The following COPE variants were observed in gnomAD, a reference collection of about 807,000 sequenced individuals.
The protein encoded by COPE is coatomer subunit epsilon.
In COPE, 19 loss-of-function variants were observed where a neutral mutation model predicts 42.1. The ratio of observed to expected loss-of-function variants is 0.45; its 90% CI spans 0.31 to 0.66. The LOEUF is 0.66. COPE is among the 30% of genes least tolerant of loss of function. The pLI, the probability that COPE is intolerant of heterozygous loss-of-function variation, is 0.05. For missense variants in COPE, 402 were observed against 416.1 expected (o/e 0.97, Z 0.30); for synonymous variants, 195 against 181.3 (o/e 1.08, Z -0.60).
At chr19:18,917,676 T>G (rs2145088228) in intron 1 of COPE, among the ~76,000 whole-genome samples, 1 of 152,140 alleles carries the variant, frequency 6.6e-6, no homozygotes, top group African/African-American at 2.4e-5. Context: ...AAATCACTTC[T>G]AACTACAAGC....
At chr19:18,907,488 C>A (rs994271513) in intron 3 of COPE, among the ~76,000 whole-genome samples, 2 of 152,186 alleles carry the variant, frequency 1.3e-5, no homozygotes, top group African/African-American at 4.8e-5. Flanking sequence ...AGCAGGAGGT[C>A]GGCCTGGGTG....
At chr19:18,901,840 C>T (rs940219363) in intron 7 of COPE, among the ~76,000 whole-genome samples, 5 of 152,084 alleles carry the variant, frequency 3.3e-5, no homozygotes, top group Non-Finnish European at 7.4e-5. Context: ...CCCCAAAATT[C>T]GTTTCTCCAA....
Position 18,911,043 on chromosome 19 carries a change from A to C in COPE, c.218T>G (p.Ile73Ser). ...QRKFGVVLDE[I>S]KPSSAPELQA... ...GAGCTCAGGGGCCGAGGAGGGCTTG[A>C]TCTCATCCAGGACCACACCGAACTT... Residue 73 changes from isoleucine (I) to serine (S), a missense_variant, in exon 3 of 10, where the codon ATC becomes AGC. Coordinates refer to ENST00000262812, the MANE Select transcript of COPE (RefSeq NM_007263.4). 1 of 1,613,926 alleles carries C rather than the reference A, an allele frequency of 6.2e-7. No individual in the cohort carries two copies. Among genetic ancestry groups the C allele is most frequent in the Non-Finnish European group, 8.5e-7 (1 of 1,179,994 alleles).
In COPE at chr19:18,903,294, C is replaced by T; in HGVS notation, c.709G>A (p.Gly237Ser). ...MAQGRWEAAE[G>S]LLQEALDKDS... is the part of the protein sequence containing the mutation. Reference sequence around the variant, plus strand: ...TTGTCTAGCGCCTCCTGCAGCAGGCCCTCAGCGGCCTCCCAGCGGCCCTGG... The same window carrying T: ...TTGTCTAGCGCCTCCTGCAGCAGGCTCTCAGCGGCCTCCCAGCGGCCCTGG... The change falls in exon 7 of 10, where the codon GGC (glycine) becomes AGC (serine). Residue 237 changes from glycine to serine, a missense_variant. By Grantham distance (56) the Gly-to-Ser change is moderately conservative. Transcript: ENST00000262812. 1.2e-6 allele frequency: 2 copies of T among 1,605,734 alleles called. No homozygotes were observed. The highest frequency in any genetic ancestry group is 1.7e-6 in the Non-Finnish European group (2 of 1,176,238).
In COPE at chr19:18,911,392, C is replaced by G. The variant is rs754701586; in HGVS notation, c.190-321G>C. ...GTGTCACCTGGGGGCAGGGCAGCAG[C>G]AGTTATGGGGGTTGTGACATGCGCT... On this transcript the variant is annotated intron_variant, in intron 2 of 9. Coordinates refer to ENST00000262812, the MANE Select transcript of COPE (RefSeq NM_007263.4). 1.1e-5 allele frequency: 4 copies of G among 360,618 alleles called. No homozygotes were observed. The South Asian group carries it at 1.3e-4, about 12-fold the overall frequency. 22.3% of individuals were successfully genotyped at this position (360,618 alleles called of 1,614,324 possible).
intron 7 of COPE, among the ~76,000 whole-genome samples, chr19:18,902,707 AAAGGAAGGAAAGGAAAGG>A (rs1279212779): frequency 6.9e-4 from 43 of 62,704 alleles, no homozygotes; most frequent in South Asian, 4.5e-3. Context: ...GAAAGGAAGG[AAAGGAAGGAAAGGAAAGG>A]AAGGAAAGGA....
At chr19:18,906,589 C>T in intron 4 of COPE, 1 of 196,966 alleles carries the variant, frequency 5.1e-6, no homozygotes. Context: ...CCCAGAGGGC[C>T]CTGGAGGAGG....
intron 5 of COPE, 77 bp from the exon 6 acceptor site, chr19:18,904,929 G>A: frequency 1.4e-6 from 2 of 1,412,524 alleles, no homozygotes; most frequent in South Asian, 1.2e-5. Context: ...GTCCCCACTT[G>A]GGGCCCACCG....
In COPE at chr19:18,907,117, A is replaced by G; in HGVS notation, c.291-5T>C. ...AGCTCGGCCACGATGCTGTCCCTGC[A>G]AGACAGAGATGCTCACGACCCACAG... On this transcript the variant is annotated splice_polypyrimidine_tract_variant and splice_region_variant and intron_variant, in intron 3 of 9. Transcript: ENST00000262812. The G allele has an allele frequency of 1.9e-6, 3 of 1,610,804 alleles. No homozygotes were observed. Among genetic ancestry groups the G allele is most frequent in the Non-Finnish European group, 1.7e-6 (2 of 1,179,174 alleles).
In COPE at chr19:18,918,205, A is replaced by G. The variant is rs1006727739; in HGVS notation, c.126+1018T>C. On this transcript the variant is annotated intron_variant, in intron 1 of 9. Transcript: ENST00000262812. Reference sequence around the variant, plus strand: ...TCCATCTCAAAAAAAAAAAAAAAAGAAAAGAAAAGAAAAGAAAAAAGAAAG... The same window carrying G: ...TCCATCTCAAAAAAAAAAAAAAAAGGAAAGAAAAGAAAAGAAAAAAGAAAG... Among the ~76,000 whole-genome samples, 110 of 129,328 alleles carry G rather than the reference A, an allele frequency of 8.5e-4. 3 individuals carry two copies. The highest frequency in any genetic ancestry group is 3.4e-3 in the African/African-American group (107 of 31,614). The allele number at this position is 129,328 out of a possible 152,430, so 84.8% of individuals were successfully genotyped here.
chr19:18,907,920 G>T (rs1423710251), intron 3 of COPE, among the ~76,000 whole-genome samples: 1 of 152,158 alleles, frequency 6.6e-6, no homozygotes, highest in Non-Finnish European at 1.5e-5. Flanking sequence ...GCTCCACTGA[G>T]GGCTCGCCAC....
chr19:18,903,473 T>A (rs1179717598), intron 6 of COPE, 50 bp from the exon 7 acceptor site: 2 of 1,541,478 alleles, frequency 1.3e-6, no homozygotes. Flanking sequence ...GCCCGGCCCT[T>A]CCCCCGCCAG....
chr19:18,900,851 G>T, intron 7 of COPE, among the ~76,000 whole-genome samples: 1 of 152,144 alleles, frequency 6.6e-6, no homozygotes, highest in East Asian at 1.9e-4. Context: ...CTCGGCAGGG[G>T]ACCTTGCCTG....
rs754322650 is a variant in COPE, at chr19:18,913,024, A to C, written c.149T>G (p.Val50Gly). ...TCTATACAGGAAGACGTCCCTCTCC[A>C]CGTCTCTCTCTGGGCTTGATAGCTG... is the stretch of plus-strand genomic sequence containing the variant. Reference protein sequence around the residue: ...RVKLSSPERDVERDVFLYRAY... With the variant: ...RVKLSSPERDGERDVFLYRAY... Residue 50 changes from valine (V) to glycine (G), a missense_variant, in exon 2 of 10, where the codon GTG becomes GGG. Physicochemically the swap from Val to Gly is moderately radical, Grantham distance 109. Coordinates refer to ENST00000262812, the MANE Select transcript of COPE (RefSeq NM_007263.4). 1 of 1,611,646 alleles carries C rather than the reference A, an allele frequency of 6.2e-7. No homozygotes were observed. Among genetic ancestry groups the C allele is most frequent in the South Asian group, 1.1e-5 (1 of 91,076 alleles).
Position 18,919,369 on chromosome 19 carries a change from T to A in COPE, c.-21A>T. 2 of 1,610,146 alleles carry A rather than the reference T, an allele frequency of 1.2e-6. No homozygotes were observed. The highest frequency in any genetic ancestry group is 1.1e-5 in the South Asian group (1 of 90,862). On this transcript the variant is annotated 5_prime_UTR_variant, in exon 1 of 10. Coordinates refer to ENST00000262812, the MANE Select transcript of COPE (RefSeq NM_007263.4). ...GCCATTTCGCTGTCTTCTCACCAGC[T>A]CCTCTTCCTGAAAGACACGTCAGCC... is the stretch of plus-strand genomic sequence containing the variant.
intron 7 of COPE, among the ~76,000 whole-genome samples, chr19:18,902,901 T>C (rs2056722448): frequency 1.3e-5 from 2 of 151,392 alleles, no homozygotes; most frequent in Non-Finnish European, 2.9e-5. Context: ...AACGAAGAGC[T>C]CCTGTCCACA....
At chr19:18,900,962 A>G (rs776077379) in intron 7 of COPE, among the ~76,000 whole-genome samples, 3 of 152,172 alleles carry the variant, frequency 2.0e-5, no homozygotes, top group Non-Finnish European at 4.4e-5. Context: ...CAGACACACC[A>G]ACGAGGATGC....
intron 3 of COPE, among the ~76,000 whole-genome samples, chr19:18,909,513 TCTTTC>T (rs902307423): frequency 1.5e-5 from 2 of 130,282 alleles, no homozygotes; most frequent in Non-Finnish European, 3.1e-5. Flanking sequence ...TCTGTGGGCC[TCTTTC>T]CTTTTTTTTT....
At chr19:18,913,094 A>G (rs2056825875) in intron 1 of COPE, 48 bp from the exon 2 acceptor site, 3 of 1,530,406 alleles carry the variant, frequency 2.0e-6, no homozygotes, top group Non-Finnish European at 2.7e-6. Context: ...GGCCCAGCGC[A>G]GCCCACACAG....
Sources: gnomAD v4.1 joint callset for allele counts (sites outside exome capture counted in the v4.1 genomes callset) on GRCh38, gnomAD v4.1.1 for gene constraint, MANE v1.5 for transcripts, NCBI Gene and HGNC (gene_info 2026-07-23, HGNC 2026-07-21) for gene names.